Variants in SOST observed in about 807,000 individuals in gnomAD.
The protein encoded by SOST is sclerosteosis.
SOST carries 14 observed loss-of-function variants against 16.7 expected under a neutral mutation model. The observed-to-expected ratio is 0.84, with a 90% CI of 0.55 to 1.31. The LOEUF (loss-of-function observed/expected upper bound fraction) is 1.31, where lower values mean the gene tolerates loss of function less well. Ranked by LOEUF, SOST falls within the 50% of genes most tolerant of loss-of-function variation. SOST has a pLI of 0.00. For synonymous variants in SOST, 150 were observed against 140.9 expected (o/e 1.06, Z -0.46); for missense variants, 291 against 310.7 (o/e 0.94, Z 0.48).
Position 43,755,615 on chromosome 17 carries a change from C to T in SOST, c.369G>A (p.Lys123=). ...AGTCGGGCCCACTAGGTCGCCACCA[C>T]TTGCCGCGGCCGATGGCGTTGGGCA... ...RLLPNAIGRG[K]WWRPSGPDFR... The change falls in exon 2 of 2, where the codon AAG becomes AAA. Residue 123 remains lysine, a synonymous_variant. Coordinates refer to ENST00000301691, the MANE Select transcript of SOST (RefSeq NM_025237.3). This position sits in a 1 kb window ranked among gnomAD's most constrained non-coding sequence, Gnocchi z 4.3. The T allele has an allele frequency of 4.4e-6, 7 of 1,585,612 alleles. No homozygotes were observed. The highest frequency in any genetic ancestry group is 6.0e-6 in the Non-Finnish European group (7 of 1,172,660).
chr17:43,758,757 A>C lies in SOST; in HGVS notation c.-16T>G. 2 of 1,604,754 alleles carry C rather than the reference A, an allele frequency of 1.2e-6. No homozygotes were observed. Among genetic ancestry groups the C allele is most frequent in the Non-Finnish European group, 1.7e-6 (2 of 1,174,290 alleles). ...GGAGCTGCATGGTACCAGCCAGAGG[A>C]GGGCACGCCACCTTCCAGTAGCACA... On this transcript the variant is annotated 5_prime_UTR_variant, in exon 1 of 2. Transcript: ENST00000301691.
Position 43,755,972 on chromosome 17 carries a change from C to T in SOST, c.221-209G>A, listed in dbSNP as rs966093731. ...CTGTCCCCTCGGAGCCAAATGACTG[C>T]TGGGGTTCAAACACCAGGGCTCCAT... On this transcript the variant is annotated intron_variant, in intron 1 of 1. Coordinates refer to ENST00000301691, the MANE Select transcript of SOST (RefSeq NM_025237.3). This position sits in a 1 kb window ranked among gnomAD's most constrained non-coding sequence, Gnocchi z 4.3. 6.6e-6 allele frequency among the ~76,000 whole-genome samples: 1 copy of T among 152,234 alleles called. No individual in the cohort carries two copies. The highest frequency in any genetic ancestry group is 2.1e-4 in the South Asian group (1 of 4,838).
chr17:43,758,665 C>T lies in SOST; in HGVS notation c.77G>A (p.Trp26Ter). 2 of 1,614,210 alleles carry T rather than the reference C, an allele frequency of 1.2e-6. No homozygotes were observed. The highest frequency in any genetic ancestry group is 1.1e-5 in the South Asian group (1 of 91,084). ...CGTGGCATCATTCTTGAACGCCTGC[C>T]ACCCCTGGCCCTCCACTACACGGAA... ...TAFRVVEGQG[W>*]QAFKNDATEI... The change falls in exon 1 of 2, where the codon TGG becomes TAG. Residue 26 changes from tryptophan to a stop codon, truncating the protein, a stop_gained. Transcript: ENST00000301691. LOFTEE classifies it high-confidence loss of function.
At position 43,755,826 on chromosome 17, in the gene SOST, C is replaced by T. The variant is rs2154590431; in HGVS notation, c.221-63G>A. ...TGGCCACCCCTGCCCTGGACCGGCC[C>T]GTCTCTCTCCACCCCAGCCCTGCTT... On this transcript the variant is annotated intron_variant, in intron 1 of 1. Coordinates refer to ENST00000301691, the MANE Select transcript of SOST (RefSeq NM_025237.3). The surrounding 1 kb of genome is among the most constrained non-coding windows in gnomAD (Gnocchi z 4.3). The T allele has an allele frequency of 4.6e-6, 7 of 1,512,160 alleles. No homozygotes were observed. Among genetic ancestry groups the T allele is most frequent in the Non-Finnish European group, 6.2e-6 (7 of 1,130,864 alleles). The allele number at this position is 1,512,160 out of a possible 1,614,324, so 93.7% of individuals were successfully genotyped here.
In SOST at chr17:43,755,099, G is replaced by A; in HGVS notation, c.*243C>T. On this transcript the variant is annotated 3_prime_UTR_variant, in exon 2 of 2. Transcript: ENST00000301691. The surrounding 1 kb of genome is among the most constrained non-coding windows in gnomAD (Gnocchi z 4.3). ...TAGGCGGCCCCAGAGGCGGGGCTGCGTGGCTCAGTGTCTGTGACTCTCAAT... is the reference window on the plus strand; with the variant it reads ...TAGGCGGCCCCAGAGGCGGGGCTGCATGGCTCAGTGTCTGTGACTCTCAAT... 1 of 481,484 alleles carries A rather than the reference G, an allele frequency of 2.1e-6. No homozygotes were observed. The highest frequency in any genetic ancestry group is 3.5e-5 in the East Asian group (1 of 28,690). The allele number at this position is 481,484 out of a possible 1,614,324, so 29.8% of individuals were successfully genotyped here.
chr17:43,755,646 C>T lies in SOST; in HGVS notation c.338G>A (p.Arg113His), dbSNP rs775244532. ...GCGGCCGATGGCGTTGGGCAGCAGG[C>T]GCGCCGGGCCGCACTGGCCGGAGCA... is the stretch of plus-strand genomic sequence containing the variant. ...LVCSGQCGPA[R>H]LLPNAIGRGK... is the part of the protein sequence containing the mutation. Residue 113 changes from arginine to histidine, a missense_variant, in exon 2 of 2, where the codon CGC becomes CAC. Physicochemically the swap from Arg to His is conservative, Grantham distance 29. Transcript: ENST00000301691. This position sits in a 1 kb window ranked among gnomAD's most constrained non-coding sequence, Gnocchi z 4.3. The T allele has an allele frequency of 5.1e-6, 8 of 1,568,774 alleles. No homozygotes were observed. In the South Asian group the frequency reaches 6.9e-5, roughly 14 times the overall value.
chr17:43,755,220 T>G lies in SOST; in HGVS notation c.*122A>C. 2.9e-6 allele frequency: 3 copies of G among 1,039,118 alleles called. No individual in the cohort carries two copies. The highest frequency in any genetic ancestry group is 2.6e-6 in the Non-Finnish European group (2 of 759,424). The allele number at this position is 1,039,118 out of a possible 1,614,324, so 64.4% of individuals were successfully genotyped here. The stretch of plus-strand genomic sequence containing the variant: ...CAGGGCCTGGAAGGTCTCAGCCCCC[T>G]GCCCTGGGTTGCAGGCATTTACAAT... On this transcript the variant is annotated 3_prime_UTR_variant, in exon 2 of 2. Transcript: ENST00000301691. This position sits in a 1 kb window ranked among gnomAD's most constrained non-coding sequence, Gnocchi z 4.3.
rs1319647330 is a variant in SOST, at chr17:43,754,437, C to T, written c.*905G>A. 6.6e-6 allele frequency: 1 copy of T among 152,146 alleles called. No individual in the cohort carries two copies. Among genetic ancestry groups the T allele is most frequent in the Admixed American group, 6.6e-5 (1 of 15,266 alleles). 9.4% of individuals were successfully genotyped at this position (152,146 alleles called of 1,614,324 possible). A position where few individuals can be genotyped will look rare whatever the true frequency, so the allele number is the denominator to read the frequency against. ...CCCTCGGACCCTCTCCTTTTCTACC[C>T]CAATGGATGATGTTATTTCTTTGAG... is the stretch of plus-strand genomic sequence containing the variant. On this transcript the variant is annotated 3_prime_UTR_variant, in exon 2 of 2. Coordinates refer to ENST00000301691, the MANE Select transcript of SOST (RefSeq NM_025237.3).
Position 43,755,260 on chromosome 17 carries a change from C to G in SOST, c.*82G>C, listed in dbSNP as rs1974113280. On this transcript the variant is annotated 3_prime_UTR_variant, in exon 2 of 2. Transcript: ENST00000301691. The surrounding 1 kb of genome is among the most constrained non-coding windows in gnomAD (Gnocchi z 4.3). ...GCATTTACAATGAAATATAAACAAT[C>G]AAACCACGCGCAGAGGACAGAAATG... 1 of 1,309,512 alleles carries G rather than the reference C, an allele frequency of 7.6e-7. No homozygotes were observed. Among genetic ancestry groups the G allele is most frequent in the Non-Finnish European group, 1.0e-6 (1 of 988,942 alleles). 81.1% of individuals were successfully genotyped at this position (1,309,512 alleles called of 1,614,324 possible).
chr17:43,756,625 C>T (rs1260460967), intron 1 of SOST, among the ~76,000 whole-genome samples: 6 of 152,148 alleles, frequency 3.9e-5, no homozygotes, highest in African/African-American at 7.2e-5. Flanking sequence ...GAGCTGAGGG[C>T]TGCTTTTTAC....
chr17:43,755,903 G>T lies in SOST; in HGVS notation c.221-140C>A. On this transcript the variant is annotated intron_variant, in intron 1 of 1. Coordinates refer to ENST00000301691, the MANE Select transcript of SOST (RefSeq NM_025237.3). This position sits in a 1 kb window ranked among gnomAD's most constrained non-coding sequence, Gnocchi z 4.3. Reference sequence around the variant, plus strand: ...TGCCCCTGAACATCTATTGCAGGAAGGTCCCAGATGCTCTAGAGCTGGTGG... The same window carrying T: ...TGCCCCTGAACATCTATTGCAGGAATGTCCCAGATGCTCTAGAGCTGGTGG... 1 of 979,834 alleles carries T rather than the reference G, an allele frequency of 1.0e-6. No homozygotes were observed. Among genetic ancestry groups the T allele is most frequent in the Non-Finnish European group, 1.5e-6 (1 of 675,866 alleles). 60.7% of individuals were successfully genotyped at this position (979,834 alleles called of 1,614,324 possible).
rs559177656 is a variant in SOST, at chr17:43,758,594, G to A, written c.148C>T (p.Leu50=). 6.2e-7 allele frequency: 1 copy of A among 1,614,072 alleles called. No homozygotes were observed. The highest frequency in any genetic ancestry group is 1.7e-5 in the Admixed American group (1 of 60,012). ...CGGTTCATGGTCTTGTTGTTCTCCA[G>A]CTCCGGTGGAGGCTCGGGGTACTCT... ...LGEYPEPPPE[L]ENNKTMNRAE... Residue 50 remains leucine, a synonymous_variant, in exon 1 of 2, where the codon CTG becomes TTG. Transcript: ENST00000301691.
Position 43,755,484 on chromosome 17 carries a change from C to T in SOST, c.500G>A (p.Cys167Tyr), listed in dbSNP as rs1469775634. ...GTTGTGGAAGCGGGTGAGGCGCTTG[C>T]ACTTGCACGAGGCCACCAGGCGCAC... ...RKVRLVASCK[C>Y]KRLTRFHNQS... Residue 167 changes from cysteine (C) to tyrosine (Y), a missense_variant, in exon 2 of 2, where the codon TGC (cysteine) becomes TAC (tyrosine). Transcript: ENST00000301691. The surrounding 1 kb of genome is among the most constrained non-coding windows in gnomAD (Gnocchi z 4.3). The T allele has an allele frequency of 6.3e-7, 1 of 1,597,334 alleles. No individual in the cohort carries two copies. Among genetic ancestry groups the T allele is most frequent in the South Asian group, 1.1e-5 (1 of 90,726 alleles).
Position 43,755,893 on chromosome 17 carries a change from A to G in SOST, c.221-130T>C. ...CAGAGGCTTTTGCCCCTGAACATCT[A>G]TTGCAGGAAGGTCCCAGATGCTCTA... On this transcript the variant is annotated intron_variant, in intron 1 of 1. Transcript: ENST00000301691. This position sits in a 1 kb window ranked among gnomAD's most constrained non-coding sequence, Gnocchi z 4.3. The G allele has an allele frequency of 9.2e-7, 1 of 1,083,750 alleles. No homozygotes were observed. The highest frequency in any genetic ancestry group is 1.3e-6 in the Non-Finnish European group (1 of 767,004). The allele number at this position is 1,083,750 out of a possible 1,614,324, so 67.1% of individuals were successfully genotyped here. A position where few individuals can be genotyped will look rare whatever the true frequency, so the allele number is the denominator to read the frequency against.
chr17:43,755,691 T>G lies in SOST; in HGVS notation c.293A>C (p.Lys98Thr). 1 of 1,564,958 alleles carries G rather than the reference T, an allele frequency of 6.4e-7. No individual in the cohort carries two copies. Among genetic ancestry groups the G allele is most frequent in the Non-Finnish European group, 8.6e-7 (1 of 1,163,544 alleles). ...YVTDGPCRSAKPVTELVCSGQ... is the reference protein window; with the variant it reads ...YVTDGPCRSATPVTELVCSGQ... ...GGAGCACACCAGCTCGGTGACCGGC[T>G]TGGCGCTGCGGCACGGCCCATCGGT... Residue 98 changes from lysine to threonine, a missense_variant, in exon 2 of 2, where the codon AAG becomes ACG. Transcript: ENST00000301691. This position sits in a 1 kb window ranked among gnomAD's most constrained non-coding sequence, Gnocchi z 4.3.
In SOST at chr17:43,758,785, C is replaced by T. The variant is rs1473001081; in HGVS notation, c.-44G>A. 6.6e-7 allele frequency: 1 copy of T among 1,504,670 alleles called. No individual in the cohort carries two copies. The highest frequency in any genetic ancestry group is 2.3e-5 in the East Asian group (1 of 44,374). The allele number at this position is 1,504,670 out of a possible 1,614,324, so 93.2% of individuals were successfully genotyped here. On this transcript the variant is annotated 5_prime_UTR_variant, in exon 1 of 2. Coordinates refer to ENST00000301691, the MANE Select transcript of SOST (RefSeq NM_025237.3). ...GCACGCCACCTTCCAGTAGCACAGG[C>T]TCTGGTCTCCAGCCGAGACACGGTC...
intron 1 of SOST, among the ~76,000 whole-genome samples, chr17:43,758,113 C>T (rs1974150551): frequency 6.6e-6 from 1 of 152,156 alleles, no homozygotes; most frequent in African/African-American, 2.4e-5. Flanking sequence ...TCCGGTGCCC[C>T]ACAGGTGCTG....
Position 43,755,539 on chromosome 17 carries a change from G to A in SOST, c.445C>T (p.Pro149Ser). Residue 149 changes from proline (P) to serine (S), a missense_variant, in exon 2 of 2, where the codon CCC becomes TCC. Coordinates refer to ENST00000301691, the MANE Select transcript of SOST (RefSeq NM_025237.3). The surrounding 1 kb of genome is among the most constrained non-coding windows in gnomAD (Gnocchi z 4.3). ...YRAQRVQLLC[P>S]GGEAPRARKV... The stretch of plus-strand genomic sequence containing the variant: ...CGCGCGCGCGGCGCCTCACCACCGG[G>A]ACACAGCAGCTGCACGCGCTGCGCG... 6.3e-7 allele frequency: 1 copy of A among 1,596,876 alleles called. No individual in the cohort carries two copies. Among genetic ancestry groups the A allele is most frequent in the African/African-American group, 1.4e-5 (1 of 73,948 alleles).
rs758338208 is a variant in SOST at position 43,755,431 on chromosome 17, C to G, written c.553G>C (p.Glu185Gln). 8 of 1,593,758 alleles carry G rather than the reference C, an allele frequency of 5.0e-6. No individual in the cohort carries two copies. The highest frequency in any genetic ancestry group is 2.3e-5 in the East Asian group (1 of 44,192). Residue 185 changes from glutamate (E) to glutamine (Q), a missense_variant, in exon 2 of 2, where the codon GAG (glutamate) becomes CAG (glutamine). By Grantham distance (29) the Glu-to-Gln change is conservative. Coordinates refer to ENST00000301691, the MANE Select transcript of SOST (RefSeq NM_025237.3). This position sits in a 1 kb window ranked among gnomAD's most constrained non-coding sequence, Gnocchi z 4.3. ...NQSELKDFGT[E>Q]AARPQKGRKP... Reference sequence around the variant, plus strand: ...CGGCCCTTCTGCGGCCGAGCGGCCTCGGTCCCGAAGTCCTTGAGCTCCGAC... The same window carrying G: ...CGGCCCTTCTGCGGCCGAGCGGCCTGGGTCCCGAAGTCCTTGAGCTCCGAC...
Sources: allele counts gnomAD v4.1 joint callset (sites outside exome capture counted in the v4.1 genomes callset), GRCh38; gene constraint gnomAD v4.1.1; non-coding constraint Gnocchi (gnomAD v3.1); transcripts MANE v1.5; gene names NCBI Gene and HGNC (gene_info 2026-07-23, HGNC 2026-07-21).